Variants in EEFSEC observed in about 807,000 individuals in gnomAD.
The protein encoded by EEFSEC is selenocysteine-specific elongation factor.
A neutral mutation model predicts 42.1 loss-of-function variants in EEFSEC; 43 were observed. That is an observed-to-expected ratio of 1.02 (90% CI 0.80 to 1.32). The LOEUF (loss-of-function observed/expected upper bound fraction) is 1.32, where lower values mean the gene tolerates loss of function less well. EEFSEC is among the 40% of genes most tolerant of loss of function. The pLI, the probability that EEFSEC is intolerant of heterozygous loss-of-function variation, is 0.00. For missense variants in EEFSEC, 745 were observed against 803.6 expected (o/e 0.93, Z 0.88); for synonymous variants, 354 against 339.1 (o/e 1.04, Z -0.48).
intron 1 of EEFSEC, among the ~76,000 whole-genome samples, chr3:128,169,946 A>G (rs975369355): frequency 1.3e-5 from 2 of 152,136 alleles, no homozygotes; most frequent in Non-Finnish European, 2.9e-5. Flanking sequence ...GCTGAAGGCA[A>G]TGCATGGCGG....
chr3:128,253,055 T>A (rs559104440), intron 2 of EEFSEC, among the ~76,000 whole-genome samples: 3 of 152,316 alleles, frequency 2.0e-5, no homozygotes, highest in Admixed American at 6.5e-5. Flanking sequence ...TGCCCTAATG[T>A]GTAGCATGTT....
At chr3:128,411,090 T>A (rs1252793186), downstream of EEFSEC, among the ~76,000 whole-genome samples, 1 of 152,174 alleles carries the variant, frequency 6.6e-6, no homozygotes, top group African/African-American at 2.4e-5. Context: ...AACCCGAGCG[T>A]CCATTAGTGG....
At chr3:128,224,953 C>A (rs976761961) in intron 1 of EEFSEC, among the ~76,000 whole-genome samples, 4 of 152,232 alleles carry the variant, frequency 2.6e-5, no homozygotes, top group Admixed American at 1.3e-4. Flanking sequence ...GGATTTGAAT[C>A]CACACCCCTC....
intron 5 of EEFSEC, among the ~76,000 whole-genome samples, chr3:128,349,894 T>C (rs953415036): frequency 3.3e-5 from 5 of 152,144 alleles, no homozygotes; most frequent in Admixed American, 3.3e-4. Context: ...ACAGTGGGTA[T>C]CATCAGTACT....
At chr3:128,153,896 C>G (rs1388277218) in intron 1 of EEFSEC, 73 bp downstream of exon 1, 7 of 1,427,792 alleles carry the variant, frequency 4.9e-6, no homozygotes, top group Non-Finnish European at 6.4e-6. Context: ...TCCGAATTCG[C>G]TCGAGCCTTT....
chr3:128,325,753 A>C (rs999204416), intron 4 of EEFSEC, among the ~76,000 whole-genome samples: 1 of 152,218 alleles, frequency 6.6e-6, no homozygotes, highest in Admixed American at 6.5e-5. Flanking sequence ...TTTTAAATAC[A>C]TTTTTATACC....
chr3:128,255,542 A>C (rs1651084979), intron 2 of EEFSEC, among the ~76,000 whole-genome samples: 1 of 152,098 alleles, frequency 6.6e-6, no homozygotes. Context: ...TGCTCTTGGG[A>C]GCCCTTTGTG....
intron 5 of EEFSEC, among the ~76,000 whole-genome samples, chr3:128,344,243 A>G (rs896642099): frequency 3.3e-5 from 5 of 152,070 alleles, no homozygotes; most frequent in Non-Finnish European, 7.4e-5. Context: ...CTCTGTCACC[A>G]CTCTACTGAT....
At chr3:128,182,915 G>A (rs1044955300) in intron 1 of EEFSEC, among the ~76,000 whole-genome samples, 2 of 151,850 alleles carry the variant, frequency 1.3e-5, no homozygotes, top group African/African-American at 4.8e-5. Context: ...TAGTAGTGGG[G>A]GTGGGCGGGT....
intron 1 of EEFSEC, among the ~76,000 whole-genome samples, chr3:128,213,744 CAAAT>C (rs150119114): frequency 0.041 from 6,238 of 152,084 alleles, 418 homozygotes; most frequent in African/African-American, 0.14. Flanking sequence ...AGAAAAAAAT[CAAAT>C]AAGTAGTACA....
At chr3:128,293,786 A>G (rs960873934) in intron 4 of EEFSEC, among the ~76,000 whole-genome samples, 2 of 152,052 alleles carry the variant, frequency 1.3e-5, no homozygotes, top group African/African-American at 4.8e-5. Flanking sequence ...CCTTGGGTGA[A>G]TGACTTCACC....
chr3:128,316,427 C>A (rs193217529), intron 4 of EEFSEC, among the ~76,000 whole-genome samples: 6 of 152,290 alleles, frequency 3.9e-5, no homozygotes, highest in African/African-American at 1.4e-4. Flanking sequence ...CGATGCCTAC[C>A]GCTCTCCCCC....
At chr3:128,414,232 G>A in the EEFSEC span, among the ~76,000 whole-genome samples, 3 of 152,196 alleles carry the variant, frequency 2.0e-5, no homozygotes, top group East Asian at 3.9e-4. Context: ...TCTGTGGGGT[G>A]TGGTTACCTA....
At chr3:128,356,956 G>A (rs889397755) in intron 5 of EEFSEC, among the ~76,000 whole-genome samples, 5 of 152,280 alleles carry the variant, frequency 3.3e-5, no homozygotes, top group African/African-American at 1.2e-4. Context: ...GCTGCAGTGA[G>A]TGACCTTGGG....
intron 1 of EEFSEC, among the ~76,000 whole-genome samples, chr3:128,176,464 C>G (rs1232775967): frequency 6.6e-6 from 1 of 152,116 alleles, no homozygotes; most frequent in African/African-American, 2.4e-5. Flanking sequence ...GCAAGCCACA[C>G]GCCTTGTCTG....
At chr3:128,321,241 A>G (rs1435034694) in intron 4 of EEFSEC, among the ~76,000 whole-genome samples, 2 of 152,108 alleles carry the variant, frequency 1.3e-5, no homozygotes, top group Non-Finnish European at 2.9e-5. Flanking sequence ...GAGCTGAGCC[A>G]GGGCCCTGTC....
chr3:128,314,820 G>A (rs2066927634), intron 4 of EEFSEC, among the ~76,000 whole-genome samples: 1 of 152,184 alleles, frequency 6.6e-6, no homozygotes, highest in African/African-American at 2.4e-5. Context: ...AGGTGGGGGA[G>A]TCACCCCAGG....
At chr3:128,185,588 G>T (rs1322958428) in intron 1 of EEFSEC, among the ~76,000 whole-genome samples, 2 of 151,940 alleles carry the variant, frequency 1.3e-5, no homozygotes, top group East Asian at 3.9e-4. Flanking sequence ...TTGAAATAAG[G>T]TCTTGCTCTG....
chr3:128,225,999 T>C (rs943301771), intron 1 of EEFSEC, among the ~76,000 whole-genome samples: 2 of 152,184 alleles, frequency 1.3e-5, no homozygotes, highest in Non-Finnish European at 1.5e-5. Context: ...AGTTCATTGA[T>C]GCAAGAGATT....
Sources: allele counts gnomAD v4.1 joint callset (sites outside exome capture counted in the v4.1 genomes callset), GRCh38; gene constraint gnomAD v4.1.1; transcripts MANE v1.5; gene names NCBI Gene and HGNC (gene_info 2026-07-23, HGNC 2026-07-21).